Variants in KCNH5 observed in about 807,000 individuals in gnomAD.
KCNH5 encodes the protein voltage-gated delayed rectifier potassium channel KCNH5.
A neutral mutation model predicts 96.1 loss-of-function variants in KCNH5; 46 were observed. The observed-to-expected ratio is 0.48, with a 90% CI of 0.38 to 0.61. The LOEUF (loss-of-function observed/expected upper bound fraction) is 0.61. Ranked by LOEUF, KCNH5 falls within the 20% of genes least tolerant of loss-of-function variation. KCNH5 has a pLI of 0.00. For synonymous variants in KCNH5, 439 were observed against 449.8 expected (o/e 0.98, Z 0.30); for missense variants, 907 against 1,225.8 (o/e 0.74, Z 3.88).
rs1884319612 is a variant in KCNH5 at position 62,699,842 on chromosome 14, A to C, written c.*7666T>G. The C allele has an allele frequency of 6.6e-6, 1 of 152,196 alleles. No individual in the cohort carries two copies. The highest frequency in any genetic ancestry group is 6.5e-5 in the Admixed American group (1 of 15,272). 9.4% of individuals were successfully genotyped at this position (152,196 alleles called of 1,614,324 possible). A position where few individuals can be genotyped will look rare whatever the true frequency, so the allele number is the denominator to read the frequency against. ...TGCAGTATCTTTGTTTAAGTAGAAAAAAGGATCTGCTTAGCATGAATCAGA... is the reference window on the plus strand; with the variant it reads ...TGCAGTATCTTTGTTTAAGTAGAAACAAGGATCTGCTTAGCATGAATCAGA... On this transcript the variant is annotated 3_prime_UTR_variant, in exon 11 of 11. Transcript: ENST00000322893.
intron 6 of KCNH5, among the ~76,000 whole-genome samples, chr14:62,959,766 C>A (rs1025433724): frequency 2.2e-4 from 33 of 152,112 alleles, no homozygotes; most frequent in Non-Finnish European, 4.4e-5. Flanking sequence ...ATGTTTTTAT[C>A]AATACATAAT....
intron 8 of KCNH5, among the ~76,000 whole-genome samples, chr14:62,817,362 C>A (rs1274703619): frequency 6.8e-6 from 1 of 146,874 alleles, no homozygotes; most frequent in African/African-American, 2.5e-5. Context: ...AAGAACCAAA[C>A]AGGAATTCTG....
At chr14:62,837,906 T>C (rs955660764) in intron 8 of KCNH5, among the ~76,000 whole-genome samples, 2 of 152,196 alleles carry the variant, frequency 1.3e-5, no homozygotes, top group Non-Finnish European at 2.9e-5. Context: ...AGAGGGATCT[T>C]AATTGAAACA....
intron 4 of KCNH5, among the ~76,000 whole-genome samples, chr14:62,992,566 G>C (rs916860247): frequency 6.6e-6 from 1 of 151,942 alleles, no homozygotes; most frequent in East Asian, 1.9e-4. Context: ...GCATTTCTCT[G>C]ATGATTAGTG....
chr14:62,788,005 T>C (rs1886353860), intron 9 of KCNH5, among the ~76,000 whole-genome samples: 1 of 152,208 alleles, frequency 6.6e-6, no homozygotes, highest in African/African-American at 2.4e-5. Context: ...AGGAGCAATT[T>C]TGACTTTCAA....
chr14:63,008,055 G>A (rs1163335525), intron 2 of KCNH5, among the ~76,000 whole-genome samples: 1 of 152,046 alleles, frequency 6.6e-6, no homozygotes, highest in Non-Finnish European at 1.5e-5. Context: ...TGATTGTCCA[G>A]ACCATTTCTT....
chr14:62,799,535 T>TG (rs1886605820), intron 9 of KCNH5, among the ~76,000 whole-genome samples: 1 of 128,802 alleles, frequency 7.8e-6, no homozygotes, highest in Non-Finnish European at 1.6e-5. Context: ...ATCACACCAT[T>TG]GCACTCCAGC....
At chr14:62,937,086 G>A (rs528961750) in intron 7 of KCNH5, among the ~76,000 whole-genome samples, 28 of 151,938 alleles carry the variant, frequency 1.8e-4, no homozygotes, top group East Asian at 3.9e-4. Flanking sequence ...GTACAAATCC[G>A]GGGCCACTTC....
chr14:62,997,932 AT>A (rs1261761334), intron 4 of KCNH5, among the ~76,000 whole-genome samples: 1 of 150,456 alleles, frequency 6.6e-6, no homozygotes, highest in Non-Finnish European at 1.5e-5. Context: ...TAAAAAAAAA[AT>A]ATGTCTGTAG....
chr14:62,976,438 C>G (rs1170998202), intron 6 of KCNH5, among the ~76,000 whole-genome samples: 1 of 150,358 alleles, frequency 6.7e-6, no homozygotes, highest in Non-Finnish European at 1.5e-5. Context: ...GGACTGGTCT[C>G]ATAGGTACAG....
chr14:62,896,998 CA>C (rs1888827064), intron 7 of KCNH5, among the ~76,000 whole-genome samples: 1 of 152,142 alleles, frequency 6.6e-6, no homozygotes, highest in African/African-American at 2.4e-5. Context: ...TAAAACAAAA[CA>C]ATTATAGAAA....
chr14:62,843,570 C>T (rs911435486), intron 8 of KCNH5, among the ~76,000 whole-genome samples: 4 of 151,952 alleles, frequency 2.6e-5, no homozygotes, highest in African/African-American at 7.3e-5. Context: ...CACCACCACG[C>T]CCAGCTAATT....
At chr14:62,898,286 CAGA>C (rs1888855516) in intron 7 of KCNH5, among the ~76,000 whole-genome samples, 1 of 152,040 alleles carries the variant, frequency 6.6e-6, no homozygotes, top group African/African-American at 2.4e-5. Flanking sequence ...CATAAAAGTT[CAGA>C]AGAGAATGAA....
intron 8 of KCNH5, among the ~76,000 whole-genome samples, chr14:62,810,018 G>T (rs770465174): frequency 7.2e-5 from 11 of 152,050 alleles, no homozygotes; most frequent in Non-Finnish European, 1.5e-4. Context: ...CCTAGTTCAT[G>T]AAAAGTCTTC....
At chr14:62,889,488 G>T (rs746935903) in intron 7 of KCNH5, among the ~76,000 whole-genome samples, 1 of 152,202 alleles carries the variant, frequency 6.6e-6, no homozygotes, top group Non-Finnish European at 1.5e-5. Flanking sequence ...ACAACTAAGA[G>T]CAGAGATATT....
intron 10 of KCNH5, among the ~76,000 whole-genome samples, chr14:62,747,523 T>A (rs949290720): frequency 1.3e-5 from 2 of 152,200 alleles, no homozygotes; most frequent in Non-Finnish European, 2.9e-5. Context: ...AAGGACAGTA[T>A]CTCAGCAGAT....
intron 8 of KCNH5, among the ~76,000 whole-genome samples, chr14:62,828,311 A>T (rs1314572762): frequency 6.6e-6 from 1 of 152,124 alleles, no homozygotes; most frequent in Non-Finnish European, 1.5e-5. Context: ...TCTTTTCTAG[A>T]ATCATTATGT....
chr14:62,904,469 CACATA>C (rs1888988412), intron 7 of KCNH5, among the ~76,000 whole-genome samples: 3 of 152,066 alleles, frequency 2.0e-5, no homozygotes, highest in African/African-American at 4.8e-5. Context: ...AGCAAAATCC[CACATA>C]CACATGCCCC....
intron 2 of KCNH5, among the ~76,000 whole-genome samples, chr14:63,008,859 AC>A (rs990940577): frequency 2.6e-5 from 4 of 152,036 alleles, no homozygotes; most frequent in African/African-American, 4.8e-5. Flanking sequence ...ACATAAAGCC[AC>A]TTCTCTCCCA....
Sources: gnomAD v4.1 joint callset for allele counts (sites outside exome capture counted in the v4.1 genomes callset) on GRCh38, gnomAD v4.1.1 for gene constraint, MANE v1.5 for transcripts, NCBI Gene and HGNC (gene_info 2026-07-23, HGNC 2026-07-21) for gene names.